CHN2: variants seen among roughly 807,000 people sequenced by gnomAD.
CHN2 encodes chimerin 2, also known as beta-chimaerin.
Under a neutral mutation model 56.3 loss-of-function variants are expected in CHN2, and 35 were observed. The ratio of observed to expected loss-of-function variants is 0.62; its 90% confidence interval spans 0.47 to 0.82. The LOEUF (loss-of-function observed/expected upper bound fraction) is 0.82. Ranked by LOEUF, CHN2 falls within the 40% of genes least tolerant of loss-of-function variation. The probability of loss-of-function intolerance (pLI) is 0.00; values close to 1 mark genes in which losing one functional copy is unlikely to be tolerated. For missense variants in CHN2, 491 were observed against 580.5 expected (o/e 0.85, Z 1.58); for synonymous variants, 210 against 212.8 (o/e 0.99, Z 0.12).
chr7:29,298,853 T>G (rs927408025), intron 1 of CHN2, among the ~76,000 whole-genome samples: 13 of 146,346 alleles, frequency 8.9e-5, no homozygotes, highest in Non-Finnish European at 1.8e-4. Context: ...ATTTCTCTCT[T>G]TCTCCAGTCC....
At chr7:29,402,662 C>A (rs1379219993) in intron 6 of CHN2, among the ~76,000 whole-genome samples, 1 of 152,156 alleles carries the variant, frequency 6.6e-6, no homozygotes, top group Non-Finnish European at 1.5e-5. Context: ...CTGCAGGATG[C>A]ACACTAGAAC....
At chr7:29,413,502 A>G (rs981735650) in intron 6 of CHN2, among the ~76,000 whole-genome samples, 4 of 152,212 alleles carry the variant, frequency 2.6e-5, no homozygotes, top group Non-Finnish European at 4.4e-5. Context: ...GAAAGTTACA[A>G]TTACTCCCCC....
intron 1 of CHN2, among the ~76,000 whole-genome samples, chr7:29,277,743 G>T (rs950274446): frequency 6.6e-6 from 1 of 152,184 alleles, no homozygotes; most frequent in African/African-American, 2.4e-5. Flanking sequence ...TACACCACAT[G>T]TGCCAGGCCT....
At chr7:29,153,356 C>A (rs938714360) in intron 2 of CHN2, among the ~76,000 whole-genome samples, 5 of 152,122 alleles carry the variant, frequency 3.3e-5, no homozygotes, top group African/African-American at 1.2e-4. Flanking sequence ...CACTTATACA[C>A]GGATTTTTTT....
In CHN2 at chr7:29,480,276, C is replaced by T. The variant is rs768119351; in HGVS notation, c.577-3C>T. ...CCCTCTCAAACTCTTTGCCTGTTCA[C>T]AGATCTCCTCCCTGGTTCGAAGGGC... is the stretch of plus-strand genomic sequence containing the variant. On this transcript the variant is annotated splice_polypyrimidine_tract_variant and splice_region_variant and intron_variant, in intron 6 of 12. Transcript: ENST00000222792. The T allele has an allele frequency of 1.9e-6, 3 of 1,614,096 alleles. No individual in the cohort carries two copies. Among genetic ancestry groups the T allele is most frequent in the African/African-American group, 2.7e-5 (2 of 74,932 alleles).
intron 6 of CHN2, among the ~76,000 whole-genome samples, chr7:29,436,264 C>T (rs540534089): frequency 6.6e-6 from 1 of 152,126 alleles, no homozygotes; most frequent in Non-Finnish European, 1.5e-5. Flanking sequence ...CCAGAGACCA[C>T]GCTTTGACCA....
At chr7:29,398,120 G>T in intron 4 of CHN2, 1 of 291,678 alleles carries the variant, frequency 3.4e-6, no homozygotes, top group Non-Finnish European at 6.3e-6. Context: ...TTTTCAACTT[G>T]AAAGCAAAGA....
intron 1 of CHN2, among the ~76,000 whole-genome samples, chr7:29,218,262 G>A (rs1183602719): frequency 6.9e-6 from 1 of 144,224 alleles, no homozygotes; most frequent in Non-Finnish European, 1.5e-5. Context: ...ATACCAGACA[G>A]CCAAAGTCAT....
chr7:29,313,980 T>G (rs1794777582), intron 1 of CHN2, among the ~76,000 whole-genome samples: 1 of 152,190 alleles, frequency 6.6e-6, no homozygotes, highest in Non-Finnish European at 1.5e-5. Flanking sequence ...TCTCCCGTCC[T>G]TAGTGCTTGC....
At chr7:29,369,833 T>C (rs957212908) in intron 3 of CHN2, among the ~76,000 whole-genome samples, 6 of 152,200 alleles carry the variant, frequency 3.9e-5, no homozygotes, top group Non-Finnish European at 7.4e-5. Flanking sequence ...AAGAATATGG[T>C]GCCCATGTCT....
intron 6 of CHN2, among the ~76,000 whole-genome samples, chr7:29,414,894 A>G (rs1803575641): frequency 6.6e-6 from 1 of 151,998 alleles, no homozygotes; most frequent in Non-Finnish European, 1.5e-5. Context: ...TTTGTGGACC[A>G]ATCCTGGGCA....
chr7:29,323,876 C>T (rs1795570752), intron 1 of CHN2, among the ~76,000 whole-genome samples: 1 of 151,950 alleles, frequency 6.6e-6, no homozygotes, highest in Non-Finnish European at 1.5e-5. Flanking sequence ...TGGTGGCAGG[C>T]ACCTGTGGTC....
At chr7:29,248,745 G>A (rs1261672106) in intron 1 of CHN2, among the ~76,000 whole-genome samples, 4 of 152,138 alleles carry the variant, frequency 2.6e-5, no homozygotes, top group African/African-American at 7.2e-5. Flanking sequence ...CTGGGGAAAC[G>A]AAACATACGA....
At chr7:29,405,334 G>A (rs1802567639) in intron 6 of CHN2, among the ~76,000 whole-genome samples, 1 of 152,140 alleles carries the variant, frequency 6.6e-6, no homozygotes, top group African/African-American at 2.4e-5. Flanking sequence ...GTTTAGCAGA[G>A]TTTTACTAAA....
At chr7:29,254,010 T>C (rs910660393) in intron 1 of CHN2, among the ~76,000 whole-genome samples, 1 of 152,226 alleles carries the variant, frequency 6.6e-6, no homozygotes, top group Non-Finnish European at 1.5e-5. Flanking sequence ...GGTCAAGCGA[T>C]TCTCCTGCCT....
At chr7:29,238,080 C>T (rs1003299877) in intron 1 of CHN2, among the ~76,000 whole-genome samples, 1 of 137,844 alleles carries the variant, frequency 7.3e-6, no homozygotes, top group Non-Finnish European at 1.5e-5. Context: ...TGCAGTGGTA[C>T]GATCTCGGCT....
chr7:29,503,502 G>A (rs968701058), intron 9 of CHN2, among the ~76,000 whole-genome samples: 3 of 152,146 alleles, frequency 2.0e-5, no homozygotes, highest in African/African-American at 7.2e-5. Context: ...CGTCTTGTGT[G>A]GCAACTCCAG....
intron 6 of CHN2, among the ~76,000 whole-genome samples, chr7:29,453,571 A>C (rs1784550101): frequency 6.6e-6 from 1 of 152,144 alleles, no homozygotes; most frequent in Admixed American, 6.5e-5. Context: ...TTTCAACCTG[A>C]TAATTCAGGG....
chr7:29,492,609 A>G (rs544531558), intron 7 of CHN2, among the ~76,000 whole-genome samples: 1 of 152,188 alleles, frequency 6.6e-6, no homozygotes, highest in Non-Finnish European at 1.5e-5. Context: ...GGTGTTTCCC[A>G]TCTTTTAAAA....
Sources: allele counts gnomAD v4.1 joint callset (sites outside exome capture counted in the v4.1 genomes callset), GRCh38; gene constraint gnomAD v4.1.1; transcripts MANE v1.5; gene names NCBI Gene and HGNC (gene_info 2026-07-23, HGNC 2026-07-21).